The following STAG1 variants were observed in gnomAD, a reference collection of about 807,000 sequenced individuals.
STAG1 encodes cohesin subunit SA-1.
A neutral mutation model predicts 170.9 loss-of-function variants in STAG1; 26 were observed. The ratio of observed to expected loss-of-function variants is 0.15; its 90% CI spans 0.11 to 0.21. The LOEUF (loss-of-function observed/expected upper bound fraction) is 0.21. Ranked by LOEUF, STAG1 falls within the 10% of genes least tolerant of loss-of-function variation. STAG1 has a pLI of 1.00. For synonymous variants in STAG1, 514 were observed against 497.7 expected (o/e 1.03, Z -0.44); for missense variants, 964 against 1,509.5 (o/e 0.64, Z 5.99).
At chr3:136,409,847 G>A (rs983015235) in intron 21 of STAG1, among the ~76,000 whole-genome samples, 1 of 152,124 alleles carries the variant, frequency 6.6e-6, no homozygotes, top group Non-Finnish European at 1.5e-5. Context: ...GTTGGCAGTG[G>A]TGGGAGGATC....
chr3:136,474,421 C>G (rs2089695851), intron 10 of STAG1, among the ~76,000 whole-genome samples: 1 of 152,196 alleles, frequency 6.6e-6, no homozygotes, highest in Non-Finnish European at 1.5e-5. Context: ...CACCCTGATA[C>G]TCAGGTTTCT....
intron 16 of STAG1, among the ~76,000 whole-genome samples, chr3:136,432,789 G>T (rs12492510): frequency 0.34 from 52,101 of 152,126 alleles, 11,246 homozygotes; most frequent in East Asian, 0.8. Context: ...ACAGGCATGA[G>T]CCACTTAATC....
chr3:136,462,122 T>A (rs2089291624), intron 13 of STAG1, among the ~76,000 whole-genome samples: 1 of 151,962 alleles, frequency 6.6e-6, no homozygotes, highest in Admixed American at 6.6e-5. Context: ...ACAGCAACAG[T>A]GGAAAACAGT....
chr3:136,452,151 GAAATGA>G lies in STAG1; in HGVS notation c.1314-10_1314-5del. The G allele has an allele frequency of 6.2e-7, 1 of 1,601,268 alleles. No homozygotes were observed. Among genetic ancestry groups the G allele is most frequent in the Non-Finnish European group, 8.5e-7 (1 of 1,171,112 alleles). ...TGGGTCATGTCTGCTAAATAGCCTG[GAAATGA>G]AAAACAGGGCATTGCAAAGTTACAT... On this transcript the variant is annotated splice_region_variant and splice_polypyrimidine_tract_variant and intron_variant, in intron 13 of 33. Coordinates refer to ENST00000383202, the MANE Select transcript of STAG1 (RefSeq NM_005862.3).
chr3:136,619,919 C>T (rs1412615746), intron 3 of STAG1, among the ~76,000 whole-genome samples: 1 of 151,668 alleles, frequency 6.6e-6, no homozygotes, highest in East Asian at 1.9e-4. Flanking sequence ...ATAAATCAGC[C>T]ATGCGTGGTG....
At chr3:136,600,551 A>G (rs906386695) in intron 4 of STAG1, among the ~76,000 whole-genome samples, 2 of 152,176 alleles carry the variant, frequency 1.3e-5, no homozygotes, top group African/African-American at 4.8e-5. Flanking sequence ...TTTATTTTTG[A>G]GACGGAGTCT....
chr3:136,500,169 A>C, intron 9 of STAG1, 54 bp downstream of exon 9: 1 of 1,207,458 alleles, frequency 8.3e-7, no homozygotes. Flanking sequence ...CCACAAAAAA[A>C]ATCAATAATT....
intron 1 of STAG1, among the ~76,000 whole-genome samples, chr3:136,649,333 G>A (rs1213687415): frequency 3.9e-5 from 6 of 151,910 alleles, no homozygotes; most frequent in Non-Finnish European, 8.8e-5. Context: ...ATAAAAACTA[G>A]TAGGGCATGG....
chr3:136,563,988 A>T lies in STAG1; in HGVS notation c.394+4777T>A, dbSNP rs149845239. The stretch of plus-strand genomic sequence containing the variant: ...CAGTGAGCCGAGATCGCACCACCGC[A>T]CTCCAGCCTGGGTGACAGAATAAGA... On this transcript the variant is annotated intron_variant, in intron 5 of 33. Transcript: ENST00000383202. Among the ~76,000 whole-genome samples the T allele has an allele frequency of 6.6e-3, 980 of 148,788 alleles. 12 individuals carry two copies. The highest frequency in any genetic ancestry group is 0.023 in the African/African-American group (931 of 40,366).
rs560475017 is a variant in STAG1 at position 136,464,801 on chromosome 3, T to C, written c.1313+80A>G. 11 of 1,199,292 alleles carry C rather than the reference T, an allele frequency of 9.2e-6. No individual in the cohort carries two copies. In the Middle Eastern group the frequency reaches 5.7e-4, roughly 63 times the overall value. 74.3% of individuals were successfully genotyped at this position (1,199,292 alleles called of 1,614,324 possible). Reference sequence around the variant, plus strand: ...TTTTCAGCACTGTGTTCAGTCACTATTACTCTCTTCTACAAACTCTAAAAC... The same window carrying C: ...TTTTCAGCACTGTGTTCAGTCACTACTACTCTCTTCTACAAACTCTAAAAC... On this transcript the variant is annotated intron_variant, in intron 13 of 33. Coordinates refer to ENST00000383202, the MANE Select transcript of STAG1 (RefSeq NM_005862.3).
chr3:136,714,965 T>TATA (rs1559967677), intron 1 of STAG1, among the ~76,000 whole-genome samples: 42 of 62,288 alleles, frequency 6.7e-4, no homozygotes, highest in East Asian at 6.1e-3. Flanking sequence ...ATATATATAT[T>TATA]TTATATATAT....
At chr3:136,405,298 G>C (rs953116475) in intron 21 of STAG1, among the ~76,000 whole-genome samples, 10 of 130,850 alleles carry the variant, frequency 7.6e-5, no homozygotes, top group African/African-American at 2.5e-4. Context: ...CTGGAGTGCA[G>C]TGGCATGATC....
At chr3:136,484,712 G>A (rs1158650199) in intron 9 of STAG1, among the ~76,000 whole-genome samples, 128 of 150,940 alleles carry the variant, frequency 8.5e-4, no homozygotes, top group African/African-American at 3.0e-3. Flanking sequence ...TCAGACTGCT[G>A]TGCCAGCAAT....
chr3:136,354,320 T>G (rs1022227138), intron 28 of STAG1, among the ~76,000 whole-genome samples: 4 of 152,212 alleles, frequency 2.6e-5, no homozygotes, highest in Non-Finnish European at 4.4e-5. Flanking sequence ...TGAGGCGGAA[T>G]CGCACTCTAT....
intron 23 of STAG1, among the ~76,000 whole-genome samples, chr3:136,376,000 A>C (rs867346572): frequency 2.1e-5 from 3 of 141,174 alleles, no homozygotes; most frequent in South Asian, 4.4e-4. Context: ...AAATAAATAA[A>C]TAAATAAATA....
intron 1 of STAG1, among the ~76,000 whole-genome samples, chr3:136,672,475 T>C (rs534806894): frequency 6.6e-6 from 1 of 152,208 alleles, no homozygotes; most frequent in African/African-American, 2.4e-5. Context: ...TAAACAAGCA[T>C]CTAGGAGTAT....
chr3:136,680,051 T>C (rs754017401), intron 1 of STAG1, among the ~76,000 whole-genome samples: 3 of 152,152 alleles, frequency 2.0e-5, no homozygotes, highest in Non-Finnish European at 4.4e-5. Context: ...GCATTCATTA[T>C]ACAGCCATGA....
intron 15 of STAG1, among the ~76,000 whole-genome samples, chr3:136,437,341 G>T (rs918816432): frequency 1.6e-4 from 24 of 152,102 alleles, no homozygotes; most frequent in African/African-American, 5.1e-4. Context: ...AAATTTAATT[G>T]AAATTCCTTT....
intron 9 of STAG1, among the ~76,000 whole-genome samples, chr3:136,495,913 G>A (rs1361644134): frequency 6.8e-6 from 1 of 147,460 alleles, no homozygotes; most frequent in Non-Finnish European, 1.5e-5. Context: ...AGCTTGCAGA[G>A]AGCAGAGACC....
Sources: gnomAD v4.1 joint callset for allele counts (sites outside exome capture counted in the v4.1 genomes callset) on GRCh38, gnomAD v4.1.1 for gene constraint, MANE v1.5 for transcripts, NCBI Gene and HGNC (gene_info 2026-07-23, HGNC 2026-07-21) for gene names.